Variants in MET observed in about 807,000 individuals in gnomAD.
MET encodes hepatocyte growth factor receptor.
In MET, 48 loss-of-function variants were observed where a neutral mutation model predicts 133.1. That is an observed-to-expected ratio of 0.36 (90% CI 0.29 to 0.46). The LOEUF is 0.46. MET is among the 20% of genes least tolerant of loss of function. The pLI is 1.00. For synonymous variants in MET, 628 were observed against 616.5 expected (o/e 1.02, Z -0.28); for missense variants, 1,442 against 1,695.9 (o/e 0.85, Z 2.63).
At chr7:116,673,809 T>C (rs1032401004) in intron 1 of MET, among the ~76,000 whole-genome samples, 1 of 152,240 alleles carries the variant, frequency 6.6e-6, no homozygotes, top group Non-Finnish European at 1.5e-5. Flanking sequence ...CTTTCCTTCC[T>C]TGATCTAAGC....
intron 5 of MET, among the ~76,000 whole-genome samples, chr7:116,755,045 G>GAAAGAAAGA (rs1562920036): frequency 1.9e-4 from 28 of 144,438 alleles, no homozygotes; most frequent in Admixed American, 2.8e-4. Context: ...AGAAAGAAAA[G>GAAAGAAAGA]AAAGAAAGAA....
At chr7:116,734,056 G>A (rs1057202757) in intron 3 of MET, among the ~76,000 whole-genome samples, 9 of 152,132 alleles carry the variant, frequency 5.9e-5, no homozygotes, top group Non-Finnish European at 8.8e-5. Context: ...CAGGAGTGGA[G>A]CACAGATATG....
chr7:116,713,121 C>G (rs1044380628), intron 2 of MET, among the ~76,000 whole-genome samples: 18 of 152,154 alleles, frequency 1.2e-4, no homozygotes, highest in Admixed American at 3.9e-4. Context: ...AGAGGCCGGG[C>G]GCGGTGGCTC....
chr7:116,793,825 G>A (rs1013349382), intron 19 of MET, among the ~76,000 whole-genome samples: 1 of 150,862 alleles, frequency 6.6e-6, no homozygotes, highest in Non-Finnish European at 1.5e-5. Context: ...CTTGAACCCG[G>A]GAGGAAGAGG....
intron 1 of MET, among the ~76,000 whole-genome samples, chr7:116,686,071 G>A (rs1796543058): frequency 6.6e-6 from 1 of 151,898 alleles, no homozygotes; most frequent in Non-Finnish European, 1.5e-5. Context: ...CTGCCCCCCA[G>A]CCACTAGCAG....
rs956590814 is a variant in MET, at chr7:116,717,050, C to G, written c.1201-14618C>G. ...CTTCCTCAAGAGGCGTTAGTGGAAA[C>G]AGATGTGTTGAGGAAGCCTCTTTCT... is the stretch of plus-strand genomic sequence containing the variant. On this transcript the variant is annotated intron_variant, in intron 2 of 20. Coordinates refer to ENST00000397752, the MANE Select transcript of MET (RefSeq NM_000245.4). Among the ~76,000 whole-genome samples the G allele has an allele frequency of 3.9e-5, 6 of 152,206 alleles. 1 individual carries two copies. Among genetic ancestry groups the G allele is most frequent in the African/African-American group, 1.2e-4 (5 of 41,458 alleles).
chr7:116,759,175 A>G (rs377528988), intron 9 of MET, among the ~76,000 whole-genome samples: 11 of 152,372 alleles, frequency 7.2e-5, no homozygotes, highest in Admixed American at 6.5e-4. Flanking sequence ...TGAATAAAAT[A>G]CAAATGCATT....
At chr7:116,754,152 TAATGAATGAATG>T (rs574292626) in intron 5 of MET, among the ~76,000 whole-genome samples, 2 of 151,876 alleles carry the variant, frequency 1.3e-5, no homozygotes, top group African/African-American at 2.4e-5. Flanking sequence ...AATAAGTAAA[TAATGAATGAATG>T]AATGAATGAA....
intron 2 of MET, among the ~76,000 whole-genome samples, chr7:116,716,431 A>T (rs1308849438): frequency 2.0e-5 from 3 of 150,418 alleles, no homozygotes; most frequent in Non-Finnish European, 4.4e-5. Flanking sequence ...AAGGAAGGAA[A>T]GAAAGAAGGA....
rs112241458 is a variant in MET at position 116,741,067 on chromosome 7, G to GT, written c.1701+58dup. ...GCTGGCATACATGTTTTTGTTTGGT[G>GT]TTTTTTTTTTTTTTTTGGTTTGGTT... is the stretch of plus-strand genomic sequence containing the variant. On this transcript the variant is annotated intron_variant, in intron 5 of 20. Coordinates refer to ENST00000397752, the MANE Select transcript of MET (RefSeq NM_000245.4). 186,551 of 1,259,104 alleles carry GT rather than the reference G, an allele frequency of 0.15. 111 individuals carry two copies. The highest frequency in any genetic ancestry group is 0.16 in the Non-Finnish European group (145,994 of 930,106). The allele number at this position is 1,259,104 out of a possible 1,614,324, so 78.0% of individuals were successfully genotyped here.
At chr7:116,698,967 C>A in intron 1 of MET, 104 bp from the exon 2 acceptor site, 1 of 1,518,182 alleles carries the variant, frequency 6.6e-7, no homozygotes, top group East Asian at 2.3e-5. Flanking sequence ...TGTAAAAGTC[C>A]AGTTGGGAAG....
At chr7:116,684,548 G>C (rs1020418470) in intron 1 of MET, among the ~76,000 whole-genome samples, 2 of 152,194 alleles carry the variant, frequency 1.3e-5, no homozygotes, top group African/African-American at 2.4e-5. Flanking sequence ...ATCAGAGAAG[G>C]CTTCCCAGAA....
At chr7:116,759,268 C>CATTTG (rs1794304627) in intron 9 of MET, 123 bp from the exon 10 acceptor site, 1 of 1,420,890 alleles carries the variant, frequency 7.0e-7, no homozygotes, top group Non-Finnish European at 9.5e-7. Context: ...CATGAACTTC[C>CATTTG]ATTTGATGTT....
chr7:116,734,916 A>T (rs1472848287), intron 3 of MET, among the ~76,000 whole-genome samples: 1 of 152,202 alleles, frequency 6.6e-6, no homozygotes, highest in Non-Finnish European at 1.5e-5. Flanking sequence ...TCTAATCTAC[A>T]TCCAGAACAA....
intron 1 of MET, among the ~76,000 whole-genome samples, chr7:116,678,890 T>C (rs935985332): frequency 3.3e-5 from 5 of 152,158 alleles, no homozygotes; most frequent in African/African-American, 1.2e-4. Context: ...ATCTCTAAAA[T>C]TGTGTAAGGC....
Position 116,699,901 on chromosome 7 carries a change from A to C in MET, c.817A>C (p.Thr273Pro), listed in dbSNP as rs1182195735. Residue 273 changes from threonine to proline, a missense_variant, in exon 2 of 21, where the codon ACT (threonine) becomes CCT (proline). By Grantham distance (38) the Thr-to-Pro change is conservative (BLOSUM62 -1). Transcript: ENST00000397752. ...CCAAAGGGAAACTCTAGATGCTCAG[A>C]CTTTTCACACAAGAATAATCAGGTT... ...TVQRETLDAQTFHTRIIRFCS... is the reference protein window; with the variant it reads ...TVQRETLDAQPFHTRIIRFCS... 1 of 1,614,030 alleles carries C rather than the reference A, an allele frequency of 6.2e-7. No homozygotes were observed. The highest frequency in any genetic ancestry group is 8.5e-7 in the Non-Finnish European group (1 of 1,179,998).
intron 6 of MET, among the ~76,000 whole-genome samples, chr7:116,757,098 C>T (rs1369923464): frequency 6.6e-6 from 1 of 151,874 alleles, no homozygotes; most frequent in African/African-American, 2.4e-5. Context: ...TTTAATTAAC[C>T]AGATGCCGTG....
In MET at chr7:116,771,871, C is replaced by T. The variant is rs756957004; in HGVS notation, c.2910C>T (p.Arg970=). 6.2e-7 allele frequency: 1 copy of T among 1,613,836 alleles called. No individual in the cohort carries two copies. Among genetic ancestry groups the T allele is most frequent in the Non-Finnish European group, 8.5e-7 (1 of 1,179,856 alleles). The change falls in exon 14 of 21, where the codon CGC becomes CGT. Residue 970 remains arginine (R), a synonymous_variant. Transcript: ENST00000397752. ...QIKDLGSELV[R]YDARVHTPHL... The stretch of plus-strand genomic sequence containing the variant: ...AAGATCTGGGCAGTGAATTAGTTCG[C>T]TACGATGCAAGAGTACACACTCCTC...
At chr7:116,760,301 T>A (rs1321166532) in intron 10 of MET, among the ~76,000 whole-genome samples, 2 of 152,162 alleles carry the variant, frequency 1.3e-5, no homozygotes, top group Non-Finnish European at 2.9e-5. Flanking sequence ...TAGCTCTTTC[T>A]TGAAAGAGCT....
Sources: allele counts gnomAD v4.1 joint callset (sites outside exome capture counted in the v4.1 genomes callset), GRCh38; gene constraint gnomAD v4.1.1; transcripts MANE v1.5; gene names NCBI Gene and HGNC (gene_info 2026-07-23, HGNC 2026-07-21).